The following CR1 variants were observed in gnomAD, a reference collection of about 807,000 sequenced individuals.
The protein encoded by CR1 is complement C3b/C4b receptor 1 (Knops blood group).
Under a neutral mutation model 187.3 loss-of-function variants are expected in CR1, and 116 were observed. The observed-to-expected ratio is 0.62, with a 90% CI of 0.53 to 0.72. CR1 has a LOEUF of 0.72. Among genes scored for constraint, CR1 ranks in the 30% least tolerant of loss-of-function variants. The pLI, the probability that CR1 is intolerant of heterozygous loss-of-function variation, is 0.00. For missense variants in CR1, 1,731 were observed against 2,110.7 expected, an observed-to-expected ratio of 0.82 and a Z score of 3.52; for synonymous variants, 576 against 747.1, an observed-to-expected ratio of 0.77 and a Z score of 3.73.
At chr1:207,506,340 T>G (rs1376347940) in intron 2 of CR1, among the ~76,000 whole-genome samples, 1 of 152,234 alleles carries the variant, frequency 6.6e-6, no homozygotes, top group African/African-American at 2.4e-5. Flanking sequence ...GGTCTCCCAT[T>G]TTCATGACTA....
At chr1:207,582,925 A>G (rs538781664) in intron 32 of CR1, among the ~76,000 whole-genome samples, 5 of 152,344 alleles carry the variant, frequency 3.3e-5, no homozygotes, top group African/African-American at 9.6e-5. Context: ...TAAGCTTGGG[A>G]CATAACTTTA....
chr1:207,525,555 C>T (rs60148341), intron 5 of CR1, among the ~76,000 whole-genome samples: 4,838 of 151,870 alleles, frequency 0.032, 303 homozygotes, highest in African/African-American at 0.11. Context: ...TATACTGCCA[C>T]TGCCTGAGCC....
chr1:207,637,333 A>G (rs533492874), intron 46 of CR1, among the ~76,000 whole-genome samples: 1 of 152,364 alleles, frequency 6.6e-6, no homozygotes, highest in East Asian at 1.9e-4. Context: ...TGCCCAATCT[A>G]TAATAGTTCC....
intron 41 of CR1, among the ~76,000 whole-genome samples, chr1:207,617,038 G>C (rs1032568486): frequency 6.6e-6 from 1 of 152,072 alleles, no homozygotes; most frequent in East Asian, 1.9e-4. Flanking sequence ...AAGGAGAGAA[G>C]GGGGTGGACA....
At chr1:207,585,331 C>A (rs566026754) in intron 33 of CR1, among the ~76,000 whole-genome samples, 37 of 152,300 alleles carry the variant, frequency 2.4e-4, no homozygotes, top group African/African-American at 8.9e-4. Context: ...TAGTGTTCTG[C>A]TGCATGGGCT....
intron 4 of CR1, among the ~76,000 whole-genome samples, chr1:207,521,849 T>G (rs1426245523): frequency 3.4e-5 from 5 of 148,618 alleles, no homozygotes; most frequent in South Asian, 4.2e-4. Flanking sequence ...TTTTTTTTTT[T>G]GTCGAGACAG....
chr1:207,622,492 C>T (rs55935430), intron 44 of CR1, among the ~76,000 whole-genome samples: 9 of 152,198 alleles, frequency 5.9e-5, no homozygotes, highest in Admixed American at 2.6e-4. Context: ...TCCCTTTTTA[C>T]GCATCTGGAC....
chr1:207,577,386 A>G (rs545650230), intron 28 of CR1, among the ~76,000 whole-genome samples: 13 of 152,358 alleles, frequency 8.5e-5, no homozygotes, highest in African/African-American at 3.1e-4. Flanking sequence ...ATTAGCAAAT[A>G]TTAGATGAGA....
chr1:207,621,485 A>G (rs1662312981), intron 43 of CR1, among the ~76,000 whole-genome samples: 1 of 152,196 alleles, frequency 6.6e-6, no homozygotes, highest in Admixed American at 6.5e-5. Context: ...TAAGGAAATA[A>G]TGTAAAATAT....
At position 207,581,521 on chromosome 1, in the gene CR1, G is replaced by C. The variant is rs562399338; in HGVS notation, c.5217-397G>C. ...TGAAGAGATAAATAAATATTCTAGG[G>C]GTTGTTAAGAAAAGTTTGATATATA... On this transcript the variant is annotated intron_variant, in intron 31 of 46. Coordinates refer to ENST00000367049, the MANE Select transcript of CR1 (RefSeq NM_000651.6). Among the ~76,000 whole-genome samples the C allele has an allele frequency of 2.0e-4, 29 of 148,140 alleles. No homozygotes were observed. The East Asian group carries it at 3.9e-3, about 20-fold the overall frequency.
chr1:207,638,965 C>A (rs1411747573), intron 46 of CR1, among the ~76,000 whole-genome samples: 1 of 152,210 alleles, frequency 6.6e-6, no homozygotes, highest in Non-Finnish European at 1.5e-5. Context: ...GTAACTGGCT[C>A]ATTCCCTGAG....
rs1320850673 is a variant in CR1, at chr1:207,641,382, C to T, written c.*1973C>T. The T allele has an allele frequency of 6.6e-6, 1 of 152,088 alleles. No homozygotes were observed. The highest frequency in any genetic ancestry group is 1.9e-4 in the East Asian group (1 of 5,186). 9.4% of individuals were successfully genotyped at this position (152,088 alleles called of 1,614,324 possible). A position where few individuals can be genotyped will look rare whatever the true frequency, so the allele number is the denominator to read the frequency against. On this transcript the variant is annotated 3_prime_UTR_variant, in exon 47 of 47. Transcript: ENST00000367049. ...TTGGAGACAGGGTCTTGCTCTGTTACCCAGGCTGGAGTGCAGTGGTGCTAT... is the reference window on the plus strand; with the variant it reads ...TTGGAGACAGGGTCTTGCTCTGTTATCCAGGCTGGAGTGCAGTGGTGCTAT...
chr1:207,591,124 C>T (rs758699714), intron 35 of CR1, among the ~76,000 whole-genome samples: 8 of 152,152 alleles, frequency 5.3e-5, no homozygotes, highest in Non-Finnish European at 1.2e-4. Flanking sequence ...CTATAGAACT[C>T]TCCACCCCAA....
chr1:207,513,782 T>TC (rs774820373), intron 4 of CR1, among the ~76,000 whole-genome samples: 15,476 of 119,482 alleles, frequency 0.13, 1,840 homozygotes, highest in South Asian at 0.35. Context: ...CTTCCTTCCT[T>TC]CTTTCCTTCC....
At chr1:207,585,555 CT>C (rs1194492581) in intron 33 of CR1, among the ~76,000 whole-genome samples, 1 of 152,154 alleles carries the variant, frequency 6.6e-6, no homozygotes, top group East Asian at 1.9e-4. Flanking sequence ...AACATTAGGC[CT>C]TTTCCAGAGC....
intron 23 of CR1, among the ~76,000 whole-genome samples, chr1:207,565,198 T>G (rs143189833): frequency 6.7e-6 from 1 of 150,290 alleles, no homozygotes; most frequent in African/African-American, 2.5e-5. Flanking sequence ...CTTGGCAGCC[T>G]CCAAATGCCA....
chr1:207,605,863 AAC>A (rs1426348102), intron 35 of CR1: 4 of 152,200 alleles, frequency 2.6e-5, no homozygotes, highest in African/African-American at 9.7e-5. Context: ...CAGTACCTAA[AAC>A]GTAAAAGAGA....
At chr1:207,564,304 T>C (rs1660417884) in intron 23 of CR1, 70 bp downstream of exon 23, 6 of 1,591,444 alleles carry the variant, frequency 3.8e-6, no homozygotes, top group Admixed American at 1.7e-5. Context: ...AAAGGGGAGA[T>C]TTGGTGTGGC....
intron 3 of CR1, among the ~76,000 whole-genome samples, chr1:207,508,172 A>AT (rs1284059899): frequency 2.0e-5 from 3 of 152,144 alleles, no homozygotes; most frequent in African/African-American, 7.2e-5. Flanking sequence ...AGCACAGAGG[A>AT]TTTTGAGGGT....
Sources: allele counts gnomAD v4.1 joint callset (sites outside exome capture counted in the v4.1 genomes callset), GRCh38; gene constraint gnomAD v4.1.1; transcripts MANE v1.5; gene names NCBI Gene and HGNC (gene_info 2026-07-23, HGNC 2026-07-21).